ZSWIM5: variants seen among roughly 807,000 people sequenced by gnomAD.
ZSWIM5 encodes zinc finger SWIM domain-containing protein 5.
Under a neutral mutation model 119.6 loss-of-function variants are expected in ZSWIM5, and 55 were observed. The ratio of observed to expected loss-of-function variants is 0.46; its 90% confidence interval spans 0.37 to 0.58. ZSWIM5 has a LOEUF of 0.58. Ranked by LOEUF, ZSWIM5 falls within the 20% of genes least tolerant of loss-of-function variation. ZSWIM5 has a pLI of 0.00. For synonymous variants in ZSWIM5, 537 were observed against 606.9 expected (o/e 0.88, Z 1.69); for missense variants, 1,193 against 1,512.8 (o/e 0.79, Z 3.51).
Position 45,123,470 on chromosome 1 carries a change from A to T in ZSWIM5, c.596-35233T>A, listed in dbSNP as rs556768459. The stretch of plus-strand genomic sequence containing the variant: ...AACAGAAGAATACAATAACTGAAAT[A>T]AAAAAATGTATGGACTCAGCAGCAG... On this transcript the variant is annotated intron_variant, in intron 1 of 13. Coordinates refer to ENST00000359600, the MANE Select transcript of ZSWIM5 (RefSeq NM_020883.2). 2.6e-5 allele frequency among the ~76,000 whole-genome samples: 4 copies of T among 152,288 alleles called. No individual in the cohort carries two copies. In the East Asian group the frequency reaches 7.7e-4, roughly 29 times the overall value.
At chr1:45,096,535 A>AACACACACACACACAC (rs370564289) in intron 1 of ZSWIM5, among the ~76,000 whole-genome samples, 1 of 140,436 alleles carries the variant, frequency 7.1e-6, no homozygotes, top group Admixed American at 7.0e-5. Flanking sequence ...TGGCCCTATC[A>AACACACACACACACAC]ACACACACAC....
intron 1 of ZSWIM5, among the ~76,000 whole-genome samples, chr1:45,132,412 T>G (rs1008151886): frequency 3.7e-4 from 56 of 152,210 alleles, no homozygotes; most frequent in African/African-American, 1.1e-3. Flanking sequence ...TTAAACAAAT[T>G]ACTGGGACAC....
intron 1 of ZSWIM5, among the ~76,000 whole-genome samples, chr1:45,116,837 A>G (rs1307106010): frequency 1.3e-5 from 2 of 152,238 alleles, no homozygotes; most frequent in Admixed American, 6.5e-5. Context: ...TTAGAAATTC[A>G]GGACACTATG....
intron 1 of ZSWIM5, among the ~76,000 whole-genome samples, chr1:45,167,216 A>G (rs1645911326): frequency 6.6e-6 from 1 of 151,950 alleles, no homozygotes. Flanking sequence ...AAAACAAGCA[A>G]TGGGGAAAGG....
chr1:45,191,133 AGACCTCGTGATCCGCCCGCTCCTTATCCT>A (rs1358286816), intron 1 of ZSWIM5, among the ~76,000 whole-genome samples: 19 of 150,006 alleles, frequency 1.3e-4, no homozygotes, highest in African/African-American at 3.9e-4. Flanking sequence ...TTTTTAGTAG[AGACCTCGTGATCCGCCCGCTCCTTATCCT>A]GACCTCGTGA....
intron 1 of ZSWIM5, among the ~76,000 whole-genome samples, chr1:45,200,541 T>C (rs1373379658): frequency 6.6e-6 from 1 of 152,182 alleles, no homozygotes; most frequent in East Asian, 1.9e-4. Flanking sequence ...AGGTTATCCA[T>C]TTCTAAAGCT....
At chr1:45,134,462 T>C (rs531319519) in intron 1 of ZSWIM5, among the ~76,000 whole-genome samples, 1 of 152,162 alleles carries the variant, frequency 6.6e-6, no homozygotes, top group Non-Finnish European at 1.5e-5. Context: ...TGGAAAGGGC[T>C]GTAGGTCTTG....
intron 2 of ZSWIM5, among the ~76,000 whole-genome samples, chr1:45,062,247 C>T (rs1246138021): frequency 6.6e-6 from 1 of 152,174 alleles, no homozygotes; most frequent in Non-Finnish European, 1.5e-5. Context: ...CCATAGGTTA[C>T]AAATTCATGT....
intron 4 of ZSWIM5, among the ~76,000 whole-genome samples, chr1:45,052,770 GA>G (rs1240681794): frequency 1.4e-5 from 2 of 145,690 alleles, no homozygotes; most frequent in Non-Finnish European, 3.0e-5. Flanking sequence ...AAAAAAAAAA[GA>G]AAAAACCCTC....
chr1:45,018,626 T>C lies in ZSWIM5; in HGVS notation c.3386A>G (p.His1129Arg). 4 of 1,614,194 alleles carry C rather than the reference T, an allele frequency of 2.5e-6. No individual in the cohort carries two copies. The highest frequency in any genetic ancestry group is 2.2e-5 in the East Asian group (1 of 44,886). The change falls in exon 14 of 14, where the codon CAC (histidine) becomes CGC (arginine). Residue 1129 changes from histidine (H) to arginine (R), a missense_variant. This residue lies in a region of ZSWIM5 where 961 missense variants were observed against 1,290.0 expected (regional missense o/e 0.74). Transcript: ENST00000359600. This position sits in a 1 kb window ranked among gnomAD's most constrained non-coding sequence, Gnocchi z 6.7. ...CTCTCCATAGTGGCGAGGGCTGATG[T>C]GTGTTAGGCGTGAGTGTGTAGTGTT... The part of the protein sequence containing the change: ...YINTTHSRLT[H>R]ISPRHYGEFI...
intron 1 of ZSWIM5, among the ~76,000 whole-genome samples, chr1:45,196,508 A>G (rs1049847152): frequency 1.4e-5 from 2 of 145,866 alleles, no homozygotes; most frequent in Non-Finnish European, 3.0e-5. Context: ...CTCCTGCCTC[A>G]GCCTCCCGAG....
chr1:45,192,471 G>A (rs1246577474), intron 1 of ZSWIM5, among the ~76,000 whole-genome samples: 1 of 152,104 alleles, frequency 6.6e-6, no homozygotes, highest in Non-Finnish European at 1.5e-5. Context: ...CCTTTTCAGG[G>A]CTAAATAACA....
At chr1:45,163,950 A>G (rs1015506855) in intron 1 of ZSWIM5, among the ~76,000 whole-genome samples, 18 of 152,296 alleles carry the variant, frequency 1.2e-4, no homozygotes, top group Non-Finnish European at 2.4e-4. Context: ...CCAACATTCA[A>G]ATTCAGGAAA....
intron 4 of ZSWIM5, among the ~76,000 whole-genome samples, chr1:45,056,239 T>A (rs1645120630): frequency 6.6e-6 from 1 of 152,062 alleles, no homozygotes; most frequent in Non-Finnish European, 1.5e-5. Flanking sequence ...AGAAATGGGT[T>A]AATAGTTGGT....
chr1:45,141,398 G>A (rs1044471976), intron 1 of ZSWIM5, among the ~76,000 whole-genome samples: 1 of 152,152 alleles, frequency 6.6e-6, no homozygotes, highest in African/African-American at 2.4e-5. Flanking sequence ...CAGAGATGAA[G>A]AACTCAGGAG....
At position 45,051,221 on chromosome 1, in the gene ZSWIM5, G is replaced by A. The variant is rs180725413; in HGVS notation, c.1285C>T (p.His429Tyr). 1 of 1,614,164 alleles carries A rather than the reference G, an allele frequency of 6.2e-7. No homozygotes were observed. Among genetic ancestry groups the A allele is most frequent in the East Asian group, 2.2e-5 (1 of 44,892 alleles). ...ALWVCIILNP[H>Y]CKLEEKSCWL... Reference sequence around the variant, plus strand: ...CAGGATTTCTCCTCCAGTTTGCAGTGTGGATTTAAAATTATGCACACCCAT... The same window carrying A: ...CAGGATTTCTCCTCCAGTTTGCAGTATGGATTTAAAATTATGCACACCCAT... Residue 429 changes from histidine (H) to tyrosine (Y), a missense_variant, in exon 5 of 14, where the codon CAC (histidine) becomes TAC (tyrosine). Coordinates refer to ENST00000359600, the MANE Select transcript of ZSWIM5 (RefSeq NM_020883.2).
intron 1 of ZSWIM5, among the ~76,000 whole-genome samples, chr1:45,159,696 C>T (rs896587897): frequency 2.0e-5 from 3 of 152,040 alleles, no homozygotes; most frequent in African/African-American, 7.3e-5. Flanking sequence ...TCAAGCGCTT[C>T]TCCTGCCTCA....
At chr1:45,099,408 T>C (rs765116316) in intron 1 of ZSWIM5, among the ~76,000 whole-genome samples, 5 of 152,124 alleles carry the variant, frequency 3.3e-5, no homozygotes, top group Non-Finnish European at 7.4e-5. Flanking sequence ...CAATAATTAA[T>C]ATCCTACCAA....
intron 1 of ZSWIM5, among the ~76,000 whole-genome samples, chr1:45,172,792 T>C (rs982661370): frequency 2.0e-5 from 3 of 152,174 alleles, no homozygotes; most frequent in Admixed American, 6.6e-5. Flanking sequence ...AAAGGAATCA[T>C]ATATTTAGTT....
Sources: gnomAD v4.1 joint callset for allele counts (sites outside exome capture counted in the v4.1 genomes callset) on GRCh38, gnomAD v4.1.1 for gene constraint, gnomAD v4.1.1 regional missense constraint, Gnocchi (gnomAD v3.1) non-coding constraint, MANE v1.5 for transcripts, NCBI Gene and HGNC (gene_info 2026-07-23, HGNC 2026-07-21) for gene names.